Variants in CCDC38 observed in about 807,000 individuals in gnomAD.
CCDC38 encodes the protein coiled-coil domain-containing protein 38.
Under a neutral mutation model 72.8 loss-of-function variants are expected in CCDC38, and 69 were observed. The ratio of observed to expected loss-of-function variants is 0.95; its 90% CI spans 0.78 to 1.16. CCDC38 has a LOEUF of 1.16. Ranked by LOEUF, CCDC38 falls within the 50% of genes most tolerant of loss-of-function variation. CCDC38 has a pLI of 0.00. For missense variants in CCDC38, 626 were observed against 638.9 expected, an observed-to-expected ratio of 0.98 and a Z score of 0.22; for synonymous variants, 201 against 213.2, an observed-to-expected ratio of 0.94 and a Z score of 0.50.
At chr12:95,905,310 G>A (rs1592780974) in intron 5 of CCDC38, among the ~76,000 whole-genome samples, 1 of 152,258 alleles carries the variant, frequency 6.6e-6, no homozygotes, top group East Asian at 1.9e-4. Flanking sequence ...CTGGTTGAGG[G>A]AGGGAGGGAT....
chr12:95,913,620 C>T (rs527596370), intron 4 of CCDC38, among the ~76,000 whole-genome samples: 3 of 152,160 alleles, frequency 2.0e-5, no homozygotes, highest in African/African-American at 7.2e-5. Flanking sequence ...CATAAGTAAG[C>T]CCGGGTAGAT....
chr12:95,941,095 A>C (rs2080445803), intron 1 of CCDC38, among the ~76,000 whole-genome samples: 2 of 152,194 alleles, frequency 1.3e-5, no homozygotes, highest in Admixed American at 1.3e-4. Context: ...GCTTTTGCAA[A>C]CCTCCTGTTT....
intron 4 of CCDC38, among the ~76,000 whole-genome samples, chr12:95,910,149 A>G (rs940099826): frequency 6.6e-6 from 1 of 152,128 alleles, no homozygotes; most frequent in Admixed American, 6.5e-5. Context: ...TACCTAAAAA[A>G]CCCCAAAGAC....
At chr12:95,886,838 G>T (rs1013011099) in intron 10 of CCDC38, among the ~76,000 whole-genome samples, 10 of 152,170 alleles carry the variant, frequency 6.6e-5, no homozygotes, top group African/African-American at 2.4e-4. Flanking sequence ...AATGCTAGTG[G>T]GAATGTAAAG....
intron 4 of CCDC38, among the ~76,000 whole-genome samples, chr12:95,915,706 T>C (rs975681744): frequency 6.6e-6 from 1 of 152,218 alleles, no homozygotes; most frequent in East Asian, 1.9e-4. Flanking sequence ...GACTTCTATA[T>C]TTTAAGTTAA....
At chr12:95,942,807 A>T (rs2080468005), upstream of CCDC38, 1 of 152,536 alleles carries the variant, frequency 6.6e-6, no homozygotes, top group Non-Finnish European at 1.5e-5. Flanking sequence ...CACCCTAGGC[A>T]GAGGTTTCCC....
intron 11 of CCDC38, among the ~76,000 whole-genome samples, chr12:95,881,242 T>TTA (rs1005689210): frequency 6.7e-5 from 10 of 148,780 alleles, no homozygotes; most frequent in South Asian, 2.1e-4. Flanking sequence ...ATATATATTT[T>TTA]TATATATATA....
chr12:95,911,524 A>G (rs2080094133), intron 4 of CCDC38, among the ~76,000 whole-genome samples: 1 of 152,220 alleles, frequency 6.6e-6, no homozygotes, highest in Non-Finnish European at 1.5e-5. Context: ...TCCAGAATCT[A>G]CAAGAAACTT....
intron 4 of CCDC38, among the ~76,000 whole-genome samples, chr12:95,913,263 A>T (rs2080113311): frequency 6.6e-6 from 1 of 152,142 alleles, no homozygotes; most frequent in Non-Finnish European, 1.5e-5. Flanking sequence ...TGAAATGAGG[A>T]TATTGCCTGT....
At chr12:95,907,524 C>T (rs1397195041) in intron 4 of CCDC38, among the ~76,000 whole-genome samples, 1 of 122,958 alleles carries the variant, frequency 8.1e-6, no homozygotes, top group African/African-American at 3.6e-5. Context: ...CCAGTAGGGG[C>T]GGCCGGGCAG....
intron 4 of CCDC38, among the ~76,000 whole-genome samples, chr12:95,906,800 TTTTATTTATTTATTTA>T (rs66972731): frequency 7.2e-6 from 1 of 138,004 alleles, no homozygotes; most frequent in Admixed American, 7.1e-5. Context: ...CAAGATTTCT[TTTTATTTATTTATTTA>T]TTTATTTATT....
At chr12:95,923,019 T>C (rs1035198198) in intron 2 of CCDC38, among the ~76,000 whole-genome samples, 1 of 152,094 alleles carries the variant, frequency 6.6e-6, no homozygotes, top group Admixed American at 6.6e-5. Flanking sequence ...GTGAGTCTCG[T>C]CCAATCTCTT....
chr12:95,910,167 A>G (rs1236997536), intron 4 of CCDC38, among the ~76,000 whole-genome samples: 2 of 152,204 alleles, frequency 1.3e-5, no homozygotes, highest in African/African-American at 4.8e-5. Context: ...GACTCCACCA[A>G]AAGAGGCTTA....
intron 2 of CCDC38, chr12:95,933,142 G>T (rs1314495478): frequency 6.6e-6 from 1 of 152,100 alleles, no homozygotes; most frequent in African/African-American, 2.4e-5. Context: ...GCTAGGGAAA[G>T]ATTTCTTAAA....
chr12:95,919,132 A>G (rs1013300528), intron 2 of CCDC38, among the ~76,000 whole-genome samples, 156 bp from the exon 3 acceptor site: 4 of 152,242 alleles, frequency 2.6e-5, no homozygotes, highest in Non-Finnish European at 5.9e-5. Flanking sequence ...TTAAATTTAA[A>G]GGAGTTTAAT....
rs1317630217 is a variant in CCDC38 at position 95,924,564 on chromosome 12, T to C, written c.38-5588A>G. 3.9e-4 allele frequency among the ~76,000 whole-genome samples: 58 copies of C among 150,566 alleles called. 2 individuals carry two copies. The South Asian group carries it at 0.012, about 32-fold the overall frequency. On this transcript the variant is annotated intron_variant, in intron 2 of 15. Transcript: ENST00000344280. ...TTTAATTAGATCCCATTTGTCAATT[T>C]TGGCTTTGGTTGCCATTGCTTTTGG...
intron 2 of CCDC38, chr12:95,933,644 T>G (rs1359499281): frequency 6.6e-6 from 1 of 152,242 alleles, no homozygotes; most frequent in Non-Finnish European, 1.5e-5. Flanking sequence ...AGTTGAATAC[T>G]CAGCTAACGT....
chr12:95,897,155 G>A (rs2079898281), intron 7 of CCDC38, among the ~76,000 whole-genome samples: 1 of 152,142 alleles, frequency 6.6e-6, no homozygotes, highest in Non-Finnish European at 1.5e-5. Flanking sequence ...TCTGAAGGAT[G>A]TAAGAAGCCT....
At chr12:95,885,347 G>C (rs1258499855) in intron 10 of CCDC38, 1 of 156,040 alleles carries the variant, frequency 6.4e-6, no homozygotes, top group Non-Finnish European at 1.4e-5. Flanking sequence ...ACTTGCAATA[G>C]TTTCAATGTG....
Sources: gnomAD v4.1 joint callset for allele counts (sites outside exome capture counted in the v4.1 genomes callset) on GRCh38, gnomAD v4.1.1 for gene constraint, MANE v1.5 for transcripts, NCBI Gene and HGNC (gene_info 2026-07-23, HGNC 2026-07-21) for gene names.